Variants in TBC1D28 observed in about 807,000 individuals in gnomAD.
TBC1D28 encodes the protein TBC1 domain family member 28, also known as TBC1 domain family, member 28.
Under a neutral mutation model 29.2 loss-of-function variants are expected in TBC1D28, and 20 were observed. The ratio of observed to expected loss-of-function variants is 0.68; its 90% CI spans 0.48 to 0.99. The LOEUF (loss-of-function observed/expected upper bound fraction) is 0.99. Among genes scored for constraint, TBC1D28 ranks in the 50% least tolerant of loss-of-function variants. TBC1D28 has a pLI of 0.00. For missense variants in TBC1D28, 205 were observed against 243.7 expected, an observed-to-expected ratio of 0.84 and a Z score of 1.06; for synonymous variants, 65 against 90.9, an observed-to-expected ratio of 0.71 and a Z score of 1.62.
upstream of TBC1D28, among the ~76,000 whole-genome samples, chr17:18,643,677 C>T (rs2031870252): frequency 6.6e-6 from 1 of 151,674 alleles, no homozygotes; most frequent in African/African-American, 2.4e-5. Flanking sequence ...CTGACCAGGT[C>T]CCCACTGTCC....
At chr17:18,635,397 A>G in exon 9 of TBC1D28, 1 of 401,974 alleles carries the variant, frequency 2.5e-6, no homozygotes, top group Non-Finnish European at 3.4e-6. Flanking sequence ...CGCGCTGGGG[A>G]AGCGCCCCCT....
intron 4 of TBC1D28, among the ~76,000 whole-genome samples, chr17:18,640,242 C>CCA (rs1348988403): frequency 2.7e-5 from 4 of 150,642 alleles, no homozygotes; most frequent in African/African-American, 9.8e-5. Flanking sequence ...CCCAGGTGAG[C>CCA]CACTGTTCCC....
At chr17:18,636,573 G>C (rs373183034) in exon 9 of TBC1D28, 3 of 1,613,732 alleles carry the variant, frequency 1.9e-6, no homozygotes, top group Non-Finnish European at 2.5e-6. Flanking sequence ...AATAGGCCAC[G>C]AGGATGTCAC....
chr17:18,643,252 C>T (rs1178221431), upstream of TBC1D28, among the ~76,000 whole-genome samples: 4 of 152,084 alleles, frequency 2.6e-5, no homozygotes, highest in Admixed American at 2.6e-4. Context: ...GGGAACTCAG[C>T]TAGACTGTAA....
intron 4 of TBC1D28, 36 bp downstream of exon 5, chr17:18,640,986 G>A: frequency 1.9e-6 from 1 of 519,076 alleles, no homozygotes; most frequent in Non-Finnish European, 3.3e-6. Flanking sequence ...CCTGAGGTGA[G>A]ATTGGTGGCT....
At chr17:18,637,286 C>T (rs2529975) in intron 8 of TBC1D28, among the ~76,000 whole-genome samples, 1,691 of 52,894 alleles carry the variant, frequency 0.032, 34 homozygotes, top group East Asian at 0.091. Flanking sequence ...TGAGTTACAA[C>T]CAATCAAGCG....
chr17:18,637,682 C>G (rs540292766), intron 8 of TBC1D28, among the ~76,000 whole-genome samples, 182 bp downstream of exon 9: 1 of 152,144 alleles, frequency 6.6e-6, no homozygotes, highest in Non-Finnish European at 1.5e-5. Flanking sequence ...TGTCCCAGCC[C>G]GGCCCAGGGC....
intron 4 of TBC1D28, among the ~76,000 whole-genome samples, chr17:18,640,188 C>A (rs1484012991): frequency 1.3e-5 from 2 of 152,100 alleles, no homozygotes; most frequent in South Asian, 2.1e-4. Flanking sequence ...TCTGGAGGGC[C>A]ATGCAGAGCC....
chr17:18,638,189 A>G, intron 7 of TBC1D28, 124 bp downstream of exon 8: 1 of 1,301,496 alleles, frequency 7.7e-7, no homozygotes, highest in Non-Finnish European at 1.1e-6. Flanking sequence ...TATGCCCAGG[A>G]TGTGCATCTG....
At chr17:18,643,442 C>T (rs1011214308), upstream of TBC1D28, among the ~76,000 whole-genome samples, 5 of 150,508 alleles carry the variant, frequency 3.3e-5, no homozygotes, top group Admixed American at 1.3e-4. Flanking sequence ...TAACCAGACC[C>T]CTGCCGGCCA....
intron 2 of TBC1D28, 37 bp from the exon 4 acceptor site, chr17:18,641,390 C>A: frequency 5.1e-6 from 8 of 1,580,616 alleles, no homozygotes; most frequent in Non-Finnish European, 6.9e-6. Context: ...CTCCCGCACC[C>A]AAGAGCTCCA....
In TBC1D28 at chr17:18,638,321, T is replaced by A; in HGVS notation, c.379A>T (p.Lys127Ter). The change falls in exon 7 of 9, where the codon AAA becomes TAA. Residue 127 changes from lysine (K) to a stop codon, truncating the protein, a stop_gained. Coordinates refer to ENST00000345096, the Ensembl canonical transcript of TBC1D28. LOFTEE classifies it high-confidence loss of function. ...GTGTGGGAGGGACTTACCTTATATTTGCCTGGGTTCTGGGACTTGATTTTG... is the reference window on the plus strand; with the variant it reads ...GTGTGGGAGGGACTTACCTTATATTAGCCTGGGTTCTGGGACTTGATTTTG... 6.2e-7 allele frequency: 1 copy of A among 1,614,152 alleles called. No individual in the cohort carries two copies.
At chr17:18,634,281 A>G (rs1313553340), downstream of TBC1D28, among the ~76,000 whole-genome samples, 8 of 74,156 alleles carry the variant, frequency 1.1e-4, no homozygotes, top group Non-Finnish European at 1.8e-4. Flanking sequence ...AAAATGGTAC[A>G]TGTTAACTCT....
intron 8 of TBC1D28, among the ~76,000 whole-genome samples, chr17:18,637,103 A>T (rs373445890): frequency 2.3e-5 from 3 of 132,978 alleles, no homozygotes; most frequent in East Asian, 2.4e-4. Flanking sequence ...CCATGGTGGT[A>T]GCCTGTTGGG....
chr17:18,642,631 C>T (rs2649511), upstream of TBC1D28: 4 of 152,264 alleles, frequency 2.6e-5, no homozygotes, highest in African/African-American at 4.8e-5. Context: ...GCCACAGAGT[C>T]TCTGTGAGGA....
chr17:18,641,364 A>T lies in TBC1D28; in HGVS notation c.-1-11T>A. On this transcript the variant is annotated splice_polypyrimidine_tract_variant and intron_variant, in intron 2 of 8. Coordinates refer to ENST00000345096, the Ensembl canonical transcript of TBC1D28. ...TCATCCATCTCCATCCTGCAAGACA[A>T]AGTCATCCCAAGGCTCTCCCGCACC... is the stretch of plus-strand genomic sequence containing the variant. The T allele has an allele frequency of 6.2e-7, 1 of 1,613,492 alleles. No individual in the cohort carries two copies. The highest frequency in any genetic ancestry group is 8.5e-7 in the Non-Finnish European group (1 of 1,179,614).
exon 9 of TBC1D28, chr17:18,636,469 G>A: frequency 6.2e-7 from 1 of 1,611,810 alleles, no homozygotes; most frequent in Non-Finnish European, 8.5e-7. Flanking sequence ...TTTTCAAGAA[G>A]TTGCAACACC....
At chr17:18,637,616 C>T (rs1159576672) in intron 8 of TBC1D28, among the ~76,000 whole-genome samples, 1 of 151,002 alleles carries the variant, frequency 6.6e-6, no homozygotes, top group African/African-American at 2.4e-5. Flanking sequence ...ATCTGCATGA[C>T]TCTTTTTTTT....
intron 4 of TBC1D28, 24 bp downstream of exon 5, chr17:18,640,998 G>C (rs1161775461): frequency 3.8e-6 from 2 of 524,950 alleles, no homozygotes; most frequent in Non-Finnish European, 6.5e-6. Flanking sequence ...TTGGTGGCTG[G>C]GGTCGGGGGG....
Sources: gnomAD v4.1 joint callset for allele counts (sites outside exome capture counted in the v4.1 genomes callset) on GRCh38, gnomAD v4.1.1 for gene constraint, MANE v1.5 for transcripts, NCBI Gene and HGNC (gene_info 2026-07-23, HGNC 2026-07-21) for gene names.